ARHGAP6: variants seen among roughly 807,000 people sequenced by gnomAD.
ARHGAP6 encodes Rho GTPase activating protein 6.
In ARHGAP6, 16 loss-of-function variants were observed where a neutral mutation model predicts 55.7. The observed-to-expected ratio is 0.29, with a 90% CI of 0.19 to 0.44. The LOEUF is 0.44. ARHGAP6 is among the 20% of genes least tolerant of loss of function. The pLI is 1.00. For synonymous variants in ARHGAP6, 382 were observed against 360.9 expected, an observed-to-expected ratio of 1.06 and a Z score of -0.66; for missense variants, 698 against 808.9, an observed-to-expected ratio of 0.86 and a Z score of 1.66.
intron 1 of ARHGAP6, among the ~76,000 whole-genome samples, chrX:11,265,515 G>T (rs2047611279): frequency 9.0e-6 from 1 of 111,593 alleles, no homozygotes; most frequent in Non-Finnish European, 1.9e-5. Context: ...CTAAAAATAA[G>T]GTTCTCATAA....
intron 1 of ARHGAP6, among the ~76,000 whole-genome samples, chrX:11,371,103 C>G (rs1181120408): frequency 8.9e-6 from 1 of 111,793 alleles, no homozygotes; most frequent in Admixed American, 9.5e-5. Context: ...AGAGAAATCA[C>G]CAGCATATTT....
intron 1 of ARHGAP6, among the ~76,000 whole-genome samples, chrX:11,306,795 C>A (rs1433404306): frequency 1.8e-5 from 2 of 112,251 alleles, no homozygotes; most frequent in East Asian, 5.6e-4. Context: ...TTAATTTTTC[C>A]TGCCCATTTG....
chrX:11,514,309 T>C (rs144015588), intron 1 of ARHGAP6, among the ~76,000 whole-genome samples: 55 of 111,011 alleles, frequency 5.0e-4, no homozygotes, highest in African/African-American at 1.8e-3. Context: ...ATGGATTTTG[T>C]TGTATTAAAT....
At chrX:11,256,624 C>T (rs757499746) in intron 1 of ARHGAP6, among the ~76,000 whole-genome samples, 64 of 110,632 alleles carry the variant, frequency 5.8e-4, no homozygotes, top group Middle Eastern at 4.6e-3. Flanking sequence ...AGAAAATGAA[C>T]GGGGTAAGTA....
chrX:11,301,422 C>T (rs2048174289), intron 1 of ARHGAP6, among the ~76,000 whole-genome samples: 2 of 111,640 alleles, frequency 1.8e-5, no homozygotes, highest in Non-Finnish European at 3.8e-5. Flanking sequence ...TTCTTTCTCA[C>T]TCATATTTAT....
chrX:11,358,469 CT>C (rs1205618100), intron 1 of ARHGAP6, among the ~76,000 whole-genome samples: 2 of 93,145 alleles, frequency 2.1e-5, no homozygotes, highest in African/African-American at 8.3e-5. Context: ...TTCTTTCTTT[CT>C]TTCTTTCTTT....
chrX:11,528,595 T>C (rs1015223597), intron 1 of ARHGAP6, among the ~76,000 whole-genome samples: 13 of 112,128 alleles, frequency 1.2e-4, no homozygotes, highest in African/African-American at 4.2e-4. Flanking sequence ...TGCAGATTCT[T>C]TGAATGCTTT....
In ARHGAP6 at chrX:11,144,080, G is replaced by A; in HGVS notation, c.2076C>T (p.Gly692=). Residue 692 remains glycine (G), a synonymous_variant, in exon 11 of 13, where the codon GGC becomes GGT. Transcript: ENST00000337414. ...LAMQEDAAPG[G]SEKLYRVPGQ... ...CTGGCACTCTGTAAAGCTTCTCCGA[G>A]CCCCCCGGGGCCGCGTCCTCTTGCA... 1 of 1,210,384 alleles carries A rather than the reference G, an allele frequency of 8.3e-7. No individual in the cohort carries two copies. Among genetic ancestry groups the A allele is most frequent in the Admixed American group, 2.2e-5 (1 of 45,840 alleles).
At chrX:11,407,371 A>G (rs757027944) in intron 1 of ARHGAP6, among the ~76,000 whole-genome samples, 15 of 112,232 alleles carry the variant, frequency 1.3e-4, no homozygotes, top group Middle Eastern at 4.6e-3. Context: ...TGTATGGTTG[A>G]CCATATTTTG....
At chrX:11,315,587 C>T (rs763291854) in intron 1 of ARHGAP6, among the ~76,000 whole-genome samples, 29 of 111,795 alleles carry the variant, frequency 2.6e-4, no homozygotes, top group African/African-American at 6.8e-4. Context: ...GCTCAAAAGA[C>T]GAAGGCTGTT....
chrX:11,608,938 C>G (rs2052069663), intron 1 of ARHGAP6, among the ~76,000 whole-genome samples: 1 of 111,606 alleles, frequency 9.0e-6, no homozygotes, highest in African/African-American at 3.3e-5. Context: ...CTAATACACC[C>G]ACCTAAGGCA....
intron 1 of ARHGAP6, among the ~76,000 whole-genome samples, chrX:11,624,753 G>A (rs185951617): frequency 0.024 from 2,684 of 110,791 alleles, 33 homozygotes; most frequent in Non-Finnish European, 0.041. Context: ...GGGTTTCACC[G>A]CGTTAGCCAG....
chrX:11,187,611 C>T (rs1438506536), intron 4 of ARHGAP6, among the ~76,000 whole-genome samples: 1 of 111,830 alleles, frequency 8.9e-6, no homozygotes, highest in Non-Finnish European at 1.9e-5. Context: ...ATCAGGTCCC[C>T]CTCTACCTTG....
At chrX:11,330,326 A>AT (rs2147633122) in intron 1 of ARHGAP6, among the ~76,000 whole-genome samples, 1 of 112,976 alleles carries the variant, frequency 8.9e-6, no homozygotes, top group Admixed American at 9.4e-5. Context: ...AAAAGATTAA[A>AT]TATTTGGGAT....
At chrX:11,361,238 A>C (rs1259197698) in intron 1 of ARHGAP6, among the ~76,000 whole-genome samples, 3 of 108,949 alleles carry the variant, frequency 2.8e-5, no homozygotes, top group African/African-American at 1.0e-4. Flanking sequence ...GCATCATGCT[A>C]CCTGACTTCA....
At chrX:11,647,715 C>T (rs1463867924) in intron 1 of ARHGAP6, among the ~76,000 whole-genome samples, 1 of 112,073 alleles carries the variant, frequency 8.9e-6, no homozygotes, top group African/African-American at 3.2e-5. Context: ...AAAGCATCAT[C>T]AATAAAAGAA....
intron 2 of ARHGAP6, among the ~76,000 whole-genome samples, chrX:11,198,798 G>C (rs761642417): frequency 1.8e-5 from 2 of 111,872 alleles, no homozygotes; most frequent in Admixed American, 1.9e-4. Context: ...AGTAATAATC[G>C]TAAGTCCAAC....
chrX:11,444,618 G>A (rs1450489799), intron 1 of ARHGAP6, among the ~76,000 whole-genome samples: 1 of 112,071 alleles, frequency 8.9e-6, no homozygotes, highest in Non-Finnish European at 1.9e-5. Flanking sequence ...CATCTTGTGA[G>A]CATGAGACAA....
chrX:11,360,116 A>T (rs2048990191), intron 1 of ARHGAP6, among the ~76,000 whole-genome samples: 1 of 111,918 alleles, frequency 8.9e-6, no homozygotes, highest in East Asian at 2.8e-4. Context: ...AAACTATTCC[A>T]ATCAATACAA....
Sources: gnomAD v4.1 joint callset for allele counts (sites outside exome capture counted in the v4.1 genomes callset) on GRCh38, gnomAD v4.1.1 for gene constraint, MANE v1.5 for transcripts, NCBI Gene and HGNC (gene_info 2026-07-23, HGNC 2026-07-21) for gene names.